The following SLC24A2 variants were observed in gnomAD, a reference collection of about 807,000 sequenced individuals.
The protein encoded by SLC24A2 is sodium/potassium/calcium exchanger 2.
A neutral mutation model predicts 62.0 loss-of-function variants in SLC24A2; 36 were observed. The ratio of observed to expected loss-of-function variants is 0.58; its 90% CI spans 0.44 to 0.77. The LOEUF is 0.77. SLC24A2 is among the 30% of genes least tolerant of loss of function. The pLI is 0.00. For synonymous variants in SLC24A2, 358 were observed against 294.0 expected (o/e 1.22, Z -2.23); for missense variants, 846 against 817.9 (o/e 1.03, Z -0.42).
Position 19,673,032 on chromosome 9 carries a change from G to A in SLC24A2, c.931-50733C>T, listed in dbSNP as rs1013930851. 1.2e-4 allele frequency among the ~76,000 whole-genome samples: 17 copies of A among 146,422 alleles called. 4 individuals are homozygous for A. The highest frequency in any genetic ancestry group is 4.3e-4 in the South Asian group (2 of 4,644). On this transcript the variant is annotated intron_variant, in intron 2 of 10. Coordinates refer to ENST00000341998, the MANE Select transcript of SLC24A2 (RefSeq NM_020344.4). ...CTGCAGTTGTTGGGTAGAATGTTCC[G>A]TAAATATCTGTTAAGTGCATTTGTT...
intron 2 of SLC24A2, among the ~76,000 whole-genome samples, chr9:19,655,245 C>G (rs1271049595): frequency 6.6e-6 from 1 of 152,194 alleles, no homozygotes; most frequent in Non-Finnish European, 1.5e-5. Context: ...GAAGTGAGCT[C>G]ATGATTGAAC....
intron 9 of SLC24A2, among the ~76,000 whole-genome samples, chr9:19,523,892 A>G (rs1475492832): frequency 1.3e-5 from 2 of 152,210 alleles, no homozygotes; most frequent in African/African-American, 4.8e-5. Flanking sequence ...ACTTCATGAG[A>G]ATTTTCATTA....
the SLC24A2 span, among the ~76,000 whole-genome samples, chr9:19,838,778 A>G: frequency 6.6e-6 from 1 of 151,922 alleles, no homozygotes; most frequent in Admixed American, 6.5e-5. Context: ...TAAAAAAAAA[A>G]AAAAAACCCT....
the SLC24A2 span, among the ~76,000 whole-genome samples, chr9:20,301,269 A>T: frequency 5.3e-5 from 8 of 152,236 alleles, no homozygotes; most frequent in African/African-American, 1.9e-4. Context: ...TTTGTCTCAC[A>T]GGCTGAAGAC....
At chr9:20,038,438 G>C in the SLC24A2 span, among the ~76,000 whole-genome samples, 1 of 152,066 alleles carries the variant, frequency 6.6e-6, no homozygotes, top group Non-Finnish European at 1.5e-5. Flanking sequence ...TATATATCCA[G>C]TGTCAGAGGT....
the SLC24A2 span, among the ~76,000 whole-genome samples, chr9:20,214,157 A>G: frequency 4.3e-3 from 655 of 152,314 alleles, 6 homozygotes; most frequent in African/African-American, 0.015. Flanking sequence ...TAGTGCTTCA[A>G]TGAACATAGT....
At chr9:20,103,239 C>T in the SLC24A2 span, among the ~76,000 whole-genome samples, 1 of 152,234 alleles carries the variant, frequency 6.6e-6, no homozygotes, top group African/African-American at 2.4e-5. Flanking sequence ...GGAGGCCTGC[C>T]TGCCTCTGTA....
rs940551285 is a variant in SLC24A2 at position 19,542,168 on chromosome 9, G to C, written c.1479+7969C>G. Reference sequence around the variant, plus strand: ...GAAATGCAGAAATCACCCGTCTTCTGCGTCGCTCACGCTGGGAGCTGTAGA... The same window carrying C: ...GAAATGCAGAAATCACCCGTCTTCTCCGTCGCTCACGCTGGGAGCTGTAGA... On this transcript the variant is annotated intron_variant, in intron 8 of 10. Coordinates refer to ENST00000341998, the MANE Select transcript of SLC24A2 (RefSeq NM_020344.4). Among the ~76,000 whole-genome samples, 15 of 152,158 alleles carry C rather than the reference G, an allele frequency of 9.9e-5. 1 individual carries two copies. Among genetic ancestry groups the C allele is most frequent in the African/African-American group, 3.4e-4 (14 of 41,442 alleles).
At chr9:19,999,725 T>C in the SLC24A2 span, among the ~76,000 whole-genome samples, 16 of 152,258 alleles carry the variant, frequency 1.1e-4, no homozygotes, top group East Asian at 1.5e-3. Context: ...TGAGCAGTTA[T>C]GGAATTACAG....
the SLC24A2 span, among the ~76,000 whole-genome samples, chr9:19,805,368 A>G: frequency 6.6e-6 from 1 of 152,234 alleles, no homozygotes; most frequent in East Asian, 1.9e-4. Flanking sequence ...ACATAAATCC[A>G]TTAATCAATA....
In SLC24A2 at chr9:19,512,773, TTGA is replaced by T. The variant is rs1832765205; in HGVS notation, c.*3377_*3379del. On this transcript the variant is annotated 3_prime_UTR_variant, in exon 11 of 11. Transcript: ENST00000341998. ...TAGTACAATGTTGGCTCTTGAATTG[TTGA>T]TATCTTTTATACCCTGCTCCAGAGA... The T allele has an allele frequency of 6.6e-6, 1 of 152,174 alleles. No homozygotes were observed. Among genetic ancestry groups the T allele is most frequent in the Non-Finnish European group, 1.5e-5 (1 of 68,028 alleles). The allele number at this position is 152,174 out of a possible 1,614,324, so 9.4% of individuals were successfully genotyped here.
At chr9:19,947,401 AAGGAAGGAAGG>A in the SLC24A2 span, among the ~76,000 whole-genome samples, 1 of 150,920 alleles carries the variant, frequency 6.6e-6, no homozygotes, top group African/African-American at 2.4e-5. Context: ...GAAAGAAGGG[AAGGAAGGAAGG>A]AGGAAGGAAG....
intron 2 of SLC24A2, among the ~76,000 whole-genome samples, chr9:19,661,162 A>T (rs1819087450): frequency 6.6e-6 from 1 of 151,132 alleles, no homozygotes; most frequent in Non-Finnish European, 1.5e-5. Context: ...CACGGTAAAA[A>T]ATCTTGCCAT....
intron 7 of SLC24A2, among the ~76,000 whole-genome samples, chr9:19,568,577 TATC>T (rs1835745848): frequency 6.6e-6 from 1 of 152,242 alleles, no homozygotes; most frequent in Non-Finnish European, 1.5e-5. Context: ...AAACCATTAT[TATC>T]CCTGTTTCAC....
At chr9:20,240,465 C>T in the SLC24A2 span, among the ~76,000 whole-genome samples, 33 of 152,246 alleles carry the variant, frequency 2.2e-4, no homozygotes, top group South Asian at 8.3e-4. Flanking sequence ...CCAAGCATCA[C>T]GCTGTGGGAT....
chr9:19,856,379 T>A, the SLC24A2 span, among the ~76,000 whole-genome samples: 2 of 152,042 alleles, frequency 1.3e-5, no homozygotes, highest in African/African-American at 4.8e-5. Flanking sequence ...GCTTTTTGAG[T>A]TTTTAGCAAT....
chr9:20,198,498 G>C, the SLC24A2 span, among the ~76,000 whole-genome samples: 1 of 151,978 alleles, frequency 6.6e-6, no homozygotes, highest in Non-Finnish European at 1.5e-5. Context: ...GACTTACTCC[G>C]TGCAGTTTAA....
In SLC24A2 at chr9:19,680,603, A is replaced by AATATATAT. The variant is rs774417756; in HGVS notation, c.931-58305_931-58304insATATATAT. The stretch of plus-strand genomic sequence containing the variant: ...TTATGAGAAATGCAGATAGTTCTAT[A>AATATATAT]ACATATATATATATATATTCATAGC... On this transcript the variant is annotated intron_variant, in intron 2 of 10. Transcript: ENST00000341998. Among the ~76,000 whole-genome samples, 10 of 66,768 alleles carry AATATATAT rather than the reference A, an allele frequency of 1.5e-4. No individual in the cohort carries two copies. In the East Asian group the frequency reaches 0.015, roughly 101 times the overall value. 43.8% of individuals were successfully genotyped at this position (66,768 alleles called of 152,430 possible). A position where few individuals can be genotyped will look rare whatever the true frequency, so the allele number is the denominator to read the frequency against.
intron 1 of SLC24A2, among the ~76,000 whole-genome samples, chr9:19,788,374 G>C (rs1345497788): frequency 6.6e-6 from 1 of 152,204 alleles, no homozygotes; most frequent in Non-Finnish European, 1.5e-5. Context: ...TCTCCAGCCC[G>C]ATCCTCGCTC....
Sources: allele counts gnomAD v4.1 joint callset (sites outside exome capture counted in the v4.1 genomes callset), GRCh38; gene constraint gnomAD v4.1.1; transcripts MANE v1.5; gene names NCBI Gene and HGNC (gene_info 2026-07-23, HGNC 2026-07-21).